Variants in NCOR2 observed in about 807,000 individuals in gnomAD.
The protein encoded by NCOR2 is nuclear receptor corepressor 2.
In NCOR2, 81 loss-of-function variants were observed where a neutral mutation model predicts 262.9. That is an observed-to-expected ratio of 0.31 (90% confidence interval 0.26 to 0.37). The LOEUF (loss-of-function observed/expected upper bound fraction) is 0.37. Ranked by LOEUF, NCOR2 falls within the 10% of genes least tolerant of loss-of-function variation. The probability of loss-of-function intolerance (pLI) is 1.00; values close to 1 mark genes in which losing one functional copy is unlikely to be tolerated. For synonymous variants in NCOR2, 1,659 were observed against 1,559.3 expected, an observed-to-expected ratio of 1.06 and a Z score of -1.51; for missense variants, 3,385 against 3,621.4, an observed-to-expected ratio of 0.93 and a Z score of 1.68.
At chr12:124,328,018 GT>G (rs370242486) in intron 44 of NCOR2, among the ~76,000 whole-genome samples, 3 of 149,164 alleles carry the variant, frequency 2.0e-5, no homozygotes, top group Admixed American at 2.0e-4. Flanking sequence ...TGTTTTGTTT[GT>G]TTTTTTTTTA....
chr12:124,522,656 T>A (rs1265831895), intron 1 of NCOR2, among the ~76,000 whole-genome samples: 1 of 152,252 alleles, frequency 6.6e-6, no homozygotes, highest in African/African-American at 2.4e-5. Context: ...CTATGTTTCA[T>A]GGGCCATGAC....
At chr12:124,406,275 G>A (rs1156350882) in intron 13 of NCOR2, among the ~76,000 whole-genome samples, 1 of 152,174 alleles carries the variant, frequency 6.6e-6, no homozygotes, top group Non-Finnish European at 1.5e-5. Context: ...TTTGGCCTGT[G>A]GGCTTTCGTT....
intron 5 of NCOR2, among the ~76,000 whole-genome samples, chr12:124,462,596 T>C (rs770624442): frequency 9.9e-5 from 15 of 152,218 alleles, no homozygotes; most frequent in Non-Finnish European, 1.0e-4. Context: ...GCAGTTTTGA[T>C]GACCAGGTGG....
intron 16 of NCOR2, among the ~76,000 whole-genome samples, chr12:124,393,704 C>T (rs529495218): frequency 7.2e-5 from 11 of 152,376 alleles, no homozygotes; most frequent in Non-Finnish European, 1.6e-4. Flanking sequence ...CCAGCTCTAC[C>T]ACTTCACAGC....
chr12:124,457,033 C>T lies in NCOR2; in HGVS notation c.762+73G>A. On this transcript the variant is annotated intron_variant, in intron 6 of 46. Transcript: ENST00000405201. The surrounding 1 kb of genome is among the most constrained non-coding windows in gnomAD (Gnocchi z 4.0). ...AGATGACTTCCTCCTCCGCCGCACC[C>T]TCCCGCCTCCCTGCCCACCTCTCCA... 3 of 1,143,500 alleles carry T rather than the reference C, an allele frequency of 2.6e-6. 1 individual carries two copies. Among genetic ancestry groups the T allele is most frequent in the Non-Finnish European group, 3.6e-6 (3 of 834,614 alleles). 70.8% of individuals were successfully genotyped at this position (1,143,500 alleles called of 1,614,324 possible). A position where few individuals can be genotyped will look rare whatever the true frequency, so the allele number is the denominator to read the frequency against.
At chr12:124,558,464 C>T (rs1195093366) in intron 1 of NCOR2, among the ~76,000 whole-genome samples, 1 of 152,204 alleles carries the variant, frequency 6.6e-6, no homozygotes, top group Non-Finnish European at 1.5e-5. Flanking sequence ...TGCTGTGGCT[C>T]CACTGGGCTG....
intron 1 of NCOR2, among the ~76,000 whole-genome samples, chr12:124,526,992 G>A (rs2050506182): frequency 1.3e-5 from 2 of 152,164 alleles, no homozygotes; most frequent in African/African-American, 4.8e-5. Flanking sequence ...GAGAAGATCT[G>A]GAAAGAAGCT....
At chr12:124,340,133 C>T (rs376014537) in exon 37 of NCOR2, 31 of 1,610,722 alleles carry the variant, frequency 1.9e-5, no homozygotes, top group Non-Finnish European at 3.4e-6. Context: ...TGCTGGTGGG[C>T]ATGGGAGTGG....
At position 124,517,732 on chromosome 12, in the gene NCOR2, C is replaced by T. The variant is rs142527983; in HGVS notation, c.-118+17833G>A. Among the ~76,000 whole-genome samples, 1 of 152,356 alleles carries T rather than the reference C, an allele frequency of 6.6e-6. No individual in the cohort carries two copies. Among genetic ancestry groups the T allele is most frequent in the Non-Finnish European group, 1.5e-5 (1 of 68,028 alleles). ...TGCACCAAGGAGAGGAGCACAGTGC[C>T]CACCCGGGTCCCCTCCCACGCGGGC... is the stretch of plus-strand genomic sequence containing the variant. On this transcript the variant is annotated intron_variant, in intron 1 of 46. Transcript: ENST00000404621. The surrounding 1 kb of genome is among the most constrained non-coding windows in gnomAD (Gnocchi z 7.6).
chr12:124,550,030 G>A (rs2051665921), intron 1 of NCOR2, among the ~76,000 whole-genome samples: 2 of 152,214 alleles, frequency 1.3e-5, no homozygotes, highest in South Asian at 4.1e-4. Flanking sequence ...GGGAGTGACT[G>A]TGACCCCCAG....
intron 27 of NCOR2, among the ~76,000 whole-genome samples, chr12:124,352,921 C>T (rs2037619173): frequency 6.6e-6 from 1 of 152,202 alleles, no homozygotes; most frequent in South Asian, 2.1e-4. Flanking sequence ...CTTCCTTGAC[C>T]TCCCTTGCCA....
intron 33 of NCOR2, 95 bp downstream of exon 35, chr12:124,342,910 C>G: frequency 1.5e-6 from 2 of 1,353,030 alleles, no homozygotes; most frequent in Non-Finnish European, 2.0e-6. Context: ...GGGAACCTGA[C>G]AGTTGATGCC....
At chr12:124,371,793 G>A (rs1440301239) in intron 20 of NCOR2, among the ~76,000 whole-genome samples, 1 of 152,106 alleles carries the variant, frequency 6.6e-6, no homozygotes, top group South Asian at 2.1e-4. Flanking sequence ...CTCTGTCCGG[G>A]TCTCAGCTTG....
intron 10 of NCOR2, chr12:124,429,355 T>C (rs2136343166): frequency 2.0e-6 from 1 of 509,812 alleles, no homozygotes; most frequent in Admixed American, 3.5e-5. Context: ...TTGTGGCATC[T>C]GGATGGGGGA....
At chr12:124,472,547 G>A (rs181981842) in intron 4 of NCOR2, among the ~76,000 whole-genome samples, 45 of 152,258 alleles carry the variant, frequency 3.0e-4, no homozygotes, top group African/African-American at 9.6e-4. Context: ...CCCACCCCAC[G>A]TTGCCTGGTA....
In NCOR2 at chr12:124,516,751, A is replaced by C. The variant is rs375917492; in HGVS notation, c.-118+18814T>G. Among the ~76,000 whole-genome samples, 21 of 151,800 alleles carry C rather than the reference A, an allele frequency of 1.4e-4. 2 individuals carry two copies. In the South Asian group the frequency reaches 4.0e-3, roughly 29 times the overall value. On this transcript the variant is annotated intron_variant, in intron 1 of 46. Coordinates refer to the NCOR2 transcript ENST00000404621. ...CTGGAACCTCAGTCCGGCCACTACA[A>C]CTTCATAAATACCATCGCCCTGAGA...
chr12:124,467,726 C>CCA (rs1593679741), intron 4 of NCOR2, among the ~76,000 whole-genome samples: 1 of 137,386 alleles, frequency 7.3e-6, no homozygotes, highest in Non-Finnish European at 1.6e-5. Flanking sequence ...CCTCATCACC[C>CCA]TCATCCTCAT....
chr12:124,333,014 C>T, intron 42 of NCOR2, 116 bp downstream of exon 44: 1 of 1,383,150 alleles, frequency 7.2e-7, no homozygotes, highest in East Asian at 2.4e-5. Flanking sequence ...TTGAGGTCAC[C>T]CAGCTGAGCC....
At chr12:124,328,257 C>T (rs2034865686) in intron 44 of NCOR2, among the ~76,000 whole-genome samples, 1 of 152,196 alleles carries the variant, frequency 6.6e-6, no homozygotes, top group South Asian at 2.1e-4. Context: ...GCTCTCCTCC[C>T]TCTGCCTCTC....
Sources: gnomAD v4.1 joint callset for allele counts (sites outside exome capture counted in the v4.1 genomes callset) on GRCh38, gnomAD v4.1.1 for gene constraint, Gnocchi (gnomAD v3.1) non-coding constraint, MANE v1.5 for transcripts, NCBI Gene and HGNC (gene_info 2026-07-23, HGNC 2026-07-21) for gene names.